SBF2: variants seen among roughly 807,000 people sequenced by gnomAD.
The protein encoded by SBF2 is SET binding factor 2, also known as myotubularin-related protein 13.
Under a neutral mutation model 225.2 loss-of-function variants are expected in SBF2, and 112 were observed. The observed-to-expected ratio is 0.50, with a 90% CI of 0.43 to 0.58. The LOEUF (loss-of-function observed/expected upper bound fraction) is 0.58, where lower values mean the gene tolerates loss of function less well. Among genes scored for constraint, SBF2 ranks in the 20% least tolerant of loss-of-function variants. SBF2 has a pLI of 0.00. For missense variants in SBF2, 1,996 were observed against 2,206.2 expected, an observed-to-expected ratio of 0.90 and a Z score of 1.91; for synonymous variants, 763 against 773.3, an observed-to-expected ratio of 0.99 and a Z score of 0.22.
At chr11:10,170,296 GA>G (rs893080649) in intron 2 of SBF2, among the ~76,000 whole-genome samples, 3 of 152,080 alleles carry the variant, frequency 2.0e-5, no homozygotes, top group African/African-American at 7.2e-5. Flanking sequence ...ATTTTGATGT[GA>G]TTTTTTTTAT....
chr11:9,858,366 A>G lies in SBF2; in HGVS notation c.1960T>C (p.Tyr654His). The change falls in exon 18 of 40, where the codon TAC becomes CAC. Residue 654 changes from tyrosine to histidine, a missense_variant. Transcript: ENST00000256190. ...ATGGGGTGGTCTTGTACACACGTGT[A>G]AGCAAACTGGCTGACTCCAGGGGCA... ...KLAPGVSQFA[Y>H]TCVQDHPIWT... 6.2e-7 allele frequency: 1 copy of G among 1,614,218 alleles called. No homozygotes were observed. The highest frequency in any genetic ancestry group is 8.5e-7 in the Non-Finnish European group (1 of 1,180,032).
chr11:9,790,042 TG>T (rs769682519), intron 34 of SBF2, among the ~76,000 whole-genome samples: 4 of 152,188 alleles, frequency 2.6e-5, no homozygotes, highest in Non-Finnish European at 4.4e-5. Flanking sequence ...TAAGTAATGG[TG>T]GAACTGCTTA....
intron 16 of SBF2, chr11:9,957,151 T>G (rs1309171548): frequency 6.6e-6 from 1 of 152,248 alleles, no homozygotes; most frequent in East Asian, 1.9e-4. Context: ...TAAACCCATG[T>G]GGACAAGTAT....
chr11:10,091,828 T>C (rs1951797056), intron 2 of SBF2, among the ~76,000 whole-genome samples: 1 of 152,202 alleles, frequency 6.6e-6, no homozygotes, highest in Non-Finnish European at 1.5e-5. Context: ...CGAACTGATC[T>C]AAAACCAAGA....
At chr11:10,265,852 G>A (rs1961930640) in intron 1 of SBF2, among the ~76,000 whole-genome samples, 1 of 142,420 alleles carries the variant, frequency 7.0e-6, no homozygotes, top group Non-Finnish European at 1.5e-5. Flanking sequence ...ACCAGGCCAG[G>A]CTAATTGTGT....
intron 26 of SBF2, among the ~76,000 whole-genome samples, chr11:9,834,370 C>T (rs1262904213): frequency 1.3e-5 from 2 of 152,132 alleles, no homozygotes; most frequent in Admixed American, 6.6e-5. Context: ...AGGATTCATG[C>T]TATCCTTTTT....
chr11:10,025,211 C>A (rs1440492294), intron 6 of SBF2, among the ~76,000 whole-genome samples: 1 of 152,134 alleles, frequency 6.6e-6, no homozygotes, highest in Non-Finnish European at 1.5e-5. Flanking sequence ...TATACTTTTA[C>A]TTCTATGAGA....
intron 1 of SBF2, among the ~76,000 whole-genome samples, chr11:10,283,470 T>C (rs990148332): frequency 6.6e-5 from 10 of 152,086 alleles, no homozygotes; most frequent in Non-Finnish European, 1.5e-4. Context: ...TAAATAAAAC[T>C]GATTAAATGC....
At chr11:10,136,124 C>T (rs559967520) in intron 2 of SBF2, among the ~76,000 whole-genome samples, 2 of 152,198 alleles carry the variant, frequency 1.3e-5, no homozygotes, top group East Asian at 3.9e-4. Flanking sequence ...CAGGGAAATT[C>T]CCCTTTATAA....
intron 2 of SBF2, among the ~76,000 whole-genome samples, chr11:10,131,732 C>G (rs1357876083): frequency 6.6e-6 from 1 of 152,188 alleles, no homozygotes; most frequent in Non-Finnish European, 1.5e-5. Flanking sequence ...TGAGCCACCA[C>G]GCCCGGCCAA....
chr11:10,207,276 C>A (rs917196171), intron 1 of SBF2, among the ~76,000 whole-genome samples: 2 of 151,936 alleles, frequency 1.3e-5, no homozygotes, highest in African/African-American at 2.4e-5. Flanking sequence ...AAAATCCAGA[C>A]ATTCTTGGAC....
At chr11:10,115,086 C>T (rs1953066577) in intron 2 of SBF2, among the ~76,000 whole-genome samples, 1 of 152,042 alleles carries the variant, frequency 6.6e-6, no homozygotes, top group African/African-American at 2.4e-5. Flanking sequence ...TAATTTTTTG[C>T]TTATTTTACA....
rs144350292 is a variant in SBF2 at position 10,233,559 on chromosome 11, A to ATC, written c.56-39574_56-39573dup. On this transcript the variant is annotated intron_variant, in intron 1 of 39. Transcript: ENST00000256190. ...ATATCCTAACCAAATATATATATATATCTCTCTCTCTCAAAGATTCTGTAT... is the reference window on the plus strand; with the variant it reads ...ATATCCTAACCAAATATATATATATATCTCTCTCTCTCTCAAAGATTCTGTAT... 6.2e-5 allele frequency among the ~76,000 whole-genome samples: 9 copies of ATC among 145,428 alleles called. No homozygotes were observed. The East Asian group carries it at 1.4e-3, about 22-fold the overall frequency.
In SBF2 at chr11:9,860,906, C is replaced by T. The variant is rs1455343830; in HGVS notation, c.1930-2510G>A. Reference sequence around the variant, plus strand: ...ATTAATTAAACATCTTTTATTAAAACTTAACAGAGATGTACAGGAATCTGA... The same window carrying T: ...ATTAATTAAACATCTTTTATTAAAATTTAACAGAGATGTACAGGAATCTGA... On this transcript the variant is annotated intron_variant, in intron 17 of 39. Transcript: ENST00000256190. Among the ~76,000 whole-genome samples, 3 of 152,154 alleles carry T rather than the reference C, an allele frequency of 2.0e-5. No individual in the cohort carries two copies. The East Asian group carries it at 5.8e-4, about 29-fold the overall frequency.
intron 1 of SBF2, among the ~76,000 whole-genome samples, chr11:10,209,109 T>C (rs557969932): frequency 6.6e-6 from 1 of 152,262 alleles, no homozygotes; most frequent in South Asian, 2.1e-4. Flanking sequence ...TTAAAACTCA[T>C]TCAATGTGTC....
intron 32 of SBF2, among the ~76,000 whole-genome samples, chr11:9,798,965 A>AAAC (rs1554903775): frequency 1.3e-5 from 2 of 150,066 alleles, no homozygotes; most frequent in Non-Finnish European, 3.0e-5. Flanking sequence ...AAAAAAAAAA[A>AAAC]CCAAAAAACA....
chr11:9,787,390 T>G (rs999998855), intron 36 of SBF2, among the ~76,000 whole-genome samples: 1 of 152,112 alleles, frequency 6.6e-6, no homozygotes, highest in Non-Finnish European at 1.5e-5. Context: ...ACCCAATACT[T>G]TTCCTTGGAT....
chr11:9,814,325 G>A (rs1854347032), intron 29 of SBF2, among the ~76,000 whole-genome samples: 1 of 152,112 alleles, frequency 6.6e-6, no homozygotes, highest in African/African-American at 2.4e-5. Flanking sequence ...CTGGAGATTG[G>A]TTGCACAGCA....
chr11:9,880,947 A>G (rs759577685), intron 17 of SBF2, among the ~76,000 whole-genome samples: 1 of 152,162 alleles, frequency 6.6e-6, no homozygotes, highest in Non-Finnish European at 1.5e-5. Context: ...GGAAACCTAT[A>G]ATTTATTTAT....
Sources: gnomAD v4.1 joint callset for allele counts (sites outside exome capture counted in the v4.1 genomes callset) on GRCh38, gnomAD v4.1.1 for gene constraint, MANE v1.5 for transcripts, NCBI Gene and HGNC (gene_info 2026-07-23, HGNC 2026-07-21) for gene names.